GPC6: variants seen among roughly 807,000 people sequenced by gnomAD.
The protein encoded by GPC6 is glypican-6.
Under a neutral mutation model 55.2 loss-of-function variants are expected in GPC6, and 14 were observed. The ratio of observed to expected loss-of-function variants is 0.25; its 90% confidence interval spans 0.17 to 0.40. The LOEUF (loss-of-function observed/expected upper bound fraction) is 0.40. Among genes scored for constraint, GPC6 ranks in the 10% least tolerant of loss-of-function variants. The probability of loss-of-function intolerance (pLI) is 1.00; values close to 1 mark genes in which losing one functional copy is unlikely to be tolerated. For synonymous variants in GPC6, 278 were observed against 259.6 expected, an observed-to-expected ratio of 1.07 and a Z score of -0.68; for missense variants, 641 against 708.5, an observed-to-expected ratio of 0.90 and a Z score of 1.08.
intron 4 of GPC6, among the ~76,000 whole-genome samples, chr13:94,174,511 T>C (rs912281985): frequency 3.3e-5 from 5 of 152,042 alleles, no homozygotes; most frequent in African/African-American, 1.2e-4. Flanking sequence ...AAGCACAAAA[T>C]TGGTAATACA....
intron 1 of GPC6, among the ~76,000 whole-genome samples, chr13:93,536,888 G>A (rs1397376926): frequency 1.3e-5 from 2 of 152,170 alleles, no homozygotes; most frequent in Non-Finnish European, 2.9e-5. Context: ...ATGCATACCA[G>A]TGTTTATACG....
At chr13:94,098,238 T>C (rs1340676890) in intron 4 of GPC6, among the ~76,000 whole-genome samples, 3 of 152,232 alleles carry the variant, frequency 2.0e-5, no homozygotes, top group Non-Finnish European at 4.4e-5. Flanking sequence ...TAGTTTAATA[T>C]AGACTGGAAA....
chr13:93,325,995 G>A (rs1223960252), intron 1 of GPC6, among the ~76,000 whole-genome samples: 1 of 152,138 alleles, frequency 6.6e-6, no homozygotes, highest in African/African-American at 2.4e-5. Context: ...GAGTAACATA[G>A]TCGTGGTTTG....
At chr13:94,169,099 A>T (rs1888471383) in intron 4 of GPC6, among the ~76,000 whole-genome samples, 1 of 152,342 alleles carries the variant, frequency 6.6e-6, no homozygotes, top group South Asian at 2.1e-4. Context: ...TTTGTCTTTC[A>T]TGAAGGCTTG....
At chr13:94,068,088 A>G (rs1216387161) in intron 4 of GPC6, among the ~76,000 whole-genome samples, 1 of 152,226 alleles carries the variant, frequency 6.6e-6, no homozygotes, top group African/African-American at 2.4e-5. Context: ...CATGCTGCTA[A>G]TAAAGACATA....
intron 4 of GPC6, among the ~76,000 whole-genome samples, chr13:94,257,837 G>T (rs1891549596): frequency 2.0e-5 from 3 of 152,166 alleles, no homozygotes; most frequent in Admixed American, 2.0e-4. Context: ...GTCAAAAACA[G>T]GAAAAGATAG....
chr13:93,950,163 A>G (rs1879189933), intron 3 of GPC6, among the ~76,000 whole-genome samples: 1 of 152,226 alleles, frequency 6.6e-6, no homozygotes, highest in Non-Finnish European at 1.5e-5. Flanking sequence ...GGCAAATTTT[A>G]TGTCATATAT....
At chr13:93,427,834 A>G (rs1457292640) in intron 1 of GPC6, among the ~76,000 whole-genome samples, 8 of 152,212 alleles carry the variant, frequency 5.3e-5, no homozygotes, top group Admixed American at 5.2e-4. Context: ...GTGGAAATCC[A>G]GATCATGTTT....
chr13:93,951,878 A>T (rs1879269770), intron 3 of GPC6, among the ~76,000 whole-genome samples: 1 of 152,156 alleles, frequency 6.6e-6, no homozygotes, highest in Admixed American at 6.5e-5. Context: ...AACAGTGGAC[A>T]TGTTTCATAG....
At chr13:93,345,401 G>T (rs1177696771) in intron 1 of GPC6, among the ~76,000 whole-genome samples, 1 of 151,870 alleles carries the variant, frequency 6.6e-6, no homozygotes, top group African/African-American at 2.4e-5. Flanking sequence ...TGTTGCTATT[G>T]TAGTATTATA....
intron 1 of GPC6, among the ~76,000 whole-genome samples, chr13:93,290,551 G>C (rs1878284959): frequency 6.6e-6 from 1 of 152,014 alleles, no homozygotes. Context: ...AATGATCTTT[G>C]ATGTATCTGA....
intron 2 of GPC6, among the ~76,000 whole-genome samples, chr13:93,730,398 A>G (rs1237177801): frequency 6.6e-6 from 1 of 152,128 alleles, no homozygotes; most frequent in Admixed American, 6.5e-5. Flanking sequence ...TTGCTTTTTG[A>G]TTTTCAATAT....
chr13:93,597,687 T>C (rs563118797), intron 2 of GPC6, among the ~76,000 whole-genome samples: 2 of 152,334 alleles, frequency 1.3e-5, no homozygotes, highest in South Asian at 4.1e-4. Context: ...GAATAAGTAA[T>C]ATATTTTCTT....
intron 3 of GPC6, among the ~76,000 whole-genome samples, chr13:93,832,860 C>T (rs555664929): frequency 6.6e-6 from 1 of 152,082 alleles, no homozygotes; most frequent in Non-Finnish European, 1.5e-5. Flanking sequence ...CCCACTGATC[C>T]CTTCAAGACC....
intron 1 of GPC6, among the ~76,000 whole-genome samples, chr13:93,286,242 T>C (rs944347525): frequency 2.4e-4 from 37 of 152,152 alleles, no homozygotes; most frequent in African/African-American, 8.0e-4. Flanking sequence ...TCAGATCTCA[T>C]GAGAACTAAC....
At chr13:93,713,144 A>C (rs540631244) in intron 2 of GPC6, among the ~76,000 whole-genome samples, 1 of 151,744 alleles carries the variant, frequency 6.6e-6, no homozygotes, top group Non-Finnish European at 1.5e-5. Flanking sequence ...GGAGGTGCAA[A>C]AACACATTTT....
intron 1 of GPC6, among the ~76,000 whole-genome samples, chr13:93,438,372 C>A (rs994028775): frequency 6.6e-6 from 1 of 152,116 alleles, no homozygotes; most frequent in African/African-American, 2.4e-5. Flanking sequence ...CAATTGAAAA[C>A]CTTTTGGAAA....
intron 3 of GPC6, among the ~76,000 whole-genome samples, chr13:93,987,390 A>G (rs1881079313): frequency 6.6e-6 from 1 of 152,336 alleles, no homozygotes; most frequent in Middle Eastern, 3.4e-3. Flanking sequence ...AATAAGAAAC[A>G]GTTATTAAAG....
At chr13:93,997,748 T>C (rs923260054) in intron 3 of GPC6, among the ~76,000 whole-genome samples, 7 of 152,220 alleles carry the variant, frequency 4.6e-5, no homozygotes, top group African/African-American at 1.4e-4. Context: ...GTTGTAGATA[T>C]TTCCATGTTT....
Sources: gnomAD v4.1 joint callset for allele counts (sites outside exome capture counted in the v4.1 genomes callset) on GRCh38, gnomAD v4.1.1 for gene constraint, MANE v1.5 for transcripts, NCBI Gene and HGNC (gene_info 2026-07-23, HGNC 2026-07-21) for gene names.